ZFYVE28: variants seen among roughly 807,000 people sequenced by gnomAD.
The protein encoded by ZFYVE28 is zinc finger FYVE-type containing 28.
A neutral mutation model predicts 82.1 loss-of-function variants in ZFYVE28; 40 were observed. The ratio of observed to expected loss-of-function variants is 0.49; its 90% CI spans 0.38 to 0.63. ZFYVE28 has a LOEUF of 0.63. ZFYVE28 is among the 30% of genes least tolerant of loss of function. The pLI is 0.00. For synonymous variants in ZFYVE28, 612 were observed against 546.1 expected (o/e 1.12, Z -1.68); for missense variants, 1,321 against 1,242.1 (o/e 1.06, Z -0.96).
chr4:2,288,859 G>T (rs547926745), intron 8 of ZFYVE28, among the ~76,000 whole-genome samples: 1 of 152,214 alleles, frequency 6.6e-6, no homozygotes, highest in Non-Finnish European at 1.5e-5. Flanking sequence ...GCACATGCCT[G>T]TGGTCCAAGC....
chr4:2,299,643 G>A (rs1464251024), intron 8 of ZFYVE28, among the ~76,000 whole-genome samples: 2 of 12 alleles, frequency 0.17, no homozygotes, highest in Non-Finnish European at 0.25. Context: ...AGGGAAGGGA[G>A]GGGAGGGAGG....
chr4:2,383,102 G>C (rs1288151905), intron 1 of ZFYVE28, among the ~76,000 whole-genome samples: 1 of 152,126 alleles, frequency 6.6e-6, no homozygotes, highest in East Asian at 1.9e-4. Context: ...AGCCATAACA[G>C]GGACTGTTGG....
At chr4:2,310,035 C>A (rs553225323) in intron 7 of ZFYVE28, among the ~76,000 whole-genome samples, 1 of 151,862 alleles carries the variant, frequency 6.6e-6, no homozygotes, top group Non-Finnish European at 1.5e-5. Flanking sequence ...ATCTGGAATA[C>A]ATTTCTTTTT....
chr4:2,273,400 G>C, intron 9 of ZFYVE28, 111 bp from the exon 10 acceptor site: 2 of 909,538 alleles, frequency 2.2e-6, no homozygotes, highest in South Asian at 1.6e-5. Context: ...CCAGGCCAGC[G>C]TGTTCTCAGA....
intron 6 of ZFYVE28, among the ~76,000 whole-genome samples, chr4:2,321,432 G>A (rs1719057378): frequency 6.6e-6 from 1 of 152,152 alleles, no homozygotes; most frequent in Admixed American, 6.5e-5. Flanking sequence ...CACAGGAAAA[G>A]TATGTGCAGT....
At chr4:2,282,401 CA>C (rs1430341360) in intron 8 of ZFYVE28, among the ~76,000 whole-genome samples, 2 of 152,198 alleles carry the variant, frequency 1.3e-5, no homozygotes, top group African/African-American at 4.8e-5. Flanking sequence ...GCCAGGTTTC[CA>C]AAGTGCTCCT....
At position 2,417,792 on chromosome 4, in the gene ZFYVE28, G is replaced by T. The variant is rs1462826420; in HGVS notation, c.39+493C>A. On this transcript the variant is annotated intron_variant, in intron 1 of 12. Coordinates refer to ENST00000290974, the MANE Select transcript of ZFYVE28 (RefSeq NM_020972.3). The surrounding 1 kb of genome is among the most constrained non-coding windows in gnomAD (Gnocchi z 4.8). ...CAGAACCTGGGGAAGTGGGGAGAGGGTCTGTTCTGGAGTGCGGAGGGAGAT... is the reference window on the plus strand; with the variant it reads ...CAGAACCTGGGGAAGTGGGGAGAGGTTCTGTTCTGGAGTGCGGAGGGAGAT... Among the ~76,000 whole-genome samples, 1 of 151,884 alleles carries T rather than the reference G, an allele frequency of 6.6e-6. No individual in the cohort carries two copies. Among genetic ancestry groups the T allele is most frequent in the Non-Finnish European group, 1.5e-5 (1 of 67,980 alleles).
intron 2 of ZFYVE28, chr4:2,342,839 C>T (rs559400876): frequency 4.3e-4 from 66 of 152,184 alleles, no homozygotes; most frequent in African/African-American, 1.6e-3. Flanking sequence ...AAACTGGAAC[C>T]AATGGGAAAG....
At chr4:2,271,072 G>A (rs576929255) in intron 12 of ZFYVE28, 42 of 755,828 alleles carry the variant, frequency 5.6e-5, no homozygotes, top group East Asian at 1.1e-4. Flanking sequence ...GTTCACACTC[G>A]CTGTCCCCTC....
chr4:2,279,229 C>T (rs550316325), intron 8 of ZFYVE28, among the ~76,000 whole-genome samples: 5 of 152,250 alleles, frequency 3.3e-5, no homozygotes, highest in Non-Finnish European at 7.4e-5. Flanking sequence ...ATCAGGAGCT[C>T]GAGACCAGCC....
chr4:2,399,732 C>T (rs1281829206), intron 1 of ZFYVE28, among the ~76,000 whole-genome samples: 2 of 152,250 alleles, frequency 1.3e-5, no homozygotes, highest in Non-Finnish European at 2.9e-5. Flanking sequence ...ATCCCAAGTG[C>T]AGAGCAGAGC....
At chr4:2,287,956 T>C (rs2108808543) in intron 8 of ZFYVE28, among the ~76,000 whole-genome samples, 1 of 152,350 alleles carries the variant, frequency 6.6e-6, no homozygotes, top group Admixed American at 6.5e-5. Flanking sequence ...CAGCATTGCC[T>C]TGATGTCTCT....
intron 10 of ZFYVE28, among the ~76,000 whole-genome samples, chr4:2,272,121 G>A (rs1033945989): frequency 7.2e-5 from 11 of 152,224 alleles, no homozygotes; most frequent in African/African-American, 2.7e-4. Context: ...GTCACCTGCC[G>A]TCTCTGAATC....
At chr4:2,281,881 C>T (rs1410894936) in intron 8 of ZFYVE28, among the ~76,000 whole-genome samples, 1 of 152,140 alleles carries the variant, frequency 6.6e-6, no homozygotes, top group Non-Finnish European at 1.5e-5. Flanking sequence ...AGTGGGGGAG[C>T]CACACACATT....
In ZFYVE28 at chr4:2,385,839, C is replaced by T. The variant is rs1442241602; in HGVS notation, c.40-31766G>A. On this transcript the variant is annotated intron_variant, in intron 1 of 12. Coordinates refer to ENST00000290974, the MANE Select transcript of ZFYVE28 (RefSeq NM_020972.3). ...TCCTTGCTTAAGAGCCGCAGACAGG[C>T]GCCCTCACAGGGGACCCATCTGGTT... Among the ~76,000 whole-genome samples the T allele has an allele frequency of 2.0e-5, 3 of 152,328 alleles. No individual in the cohort carries two copies. The East Asian group carries it at 5.8e-4, about 29-fold the overall frequency.
At chr4:2,353,050 G>C (rs1724709109) in intron 2 of ZFYVE28, among the ~76,000 whole-genome samples, 1 of 152,242 alleles carries the variant, frequency 6.6e-6, no homozygotes, top group Non-Finnish European at 1.5e-5. Flanking sequence ...GGAGGGGCCA[G>C]AACATCTGTG....
intron 6 of ZFYVE28, among the ~76,000 whole-genome samples, chr4:2,323,562 C>CT (rs1194428631): frequency 6.6e-6 from 1 of 151,278 alleles, no homozygotes; most frequent in African/African-American, 2.4e-5. Context: ...TATTATTATA[C>CT]TTTAAGTTTT....
In ZFYVE28 at chr4:2,320,945, C is replaced by T. The variant is rs189126033; in HGVS notation, c.702-674G>A. On this transcript the variant is annotated intron_variant, in intron 6 of 12. Coordinates refer to ENST00000290974, the MANE Select transcript of ZFYVE28 (RefSeq NM_020972.3). This position sits in a 1 kb window ranked among gnomAD's most constrained non-coding sequence, Gnocchi z 5.1. ...AAAGCCTGCTGAAGGACAAGCTTCC[C>T]AGATGCCACCTCCAGTGGCACCCAC... Among the ~76,000 whole-genome samples the T allele has an allele frequency of 0.013, 2,042 of 152,250 alleles. 54 individuals carry two copies. The highest frequency in any genetic ancestry group is 0.013 in the Non-Finnish European group (877 of 68,022).
At chr4:2,364,635 C>T (rs964069000) in intron 1 of ZFYVE28, 23 of 985,396 alleles carry the variant, frequency 2.3e-5, no homozygotes, top group Non-Finnish European at 2.3e-5. Context: ...TGATTAGCAT[C>T]TGCAAAGTGG....
Sources: allele counts gnomAD v4.1 joint callset (sites outside exome capture counted in the v4.1 genomes callset), GRCh38; gene constraint gnomAD v4.1.1; non-coding constraint Gnocchi (gnomAD v3.1); transcripts MANE v1.5; gene names NCBI Gene and HGNC (gene_info 2026-07-23, HGNC 2026-07-21).